TNS1: variants seen among roughly 807,000 people sequenced by gnomAD.
The protein encoded by TNS1 is tensin 1, also known as tensin-1.
A neutral mutation model predicts 168.6 loss-of-function variants in TNS1; 62 were observed. The observed-to-expected ratio is 0.37, with a 90% CI of 0.30 to 0.45. TNS1 has a LOEUF of 0.45. TNS1 is among the 20% of genes least tolerant of loss of function. The probability of loss-of-function intolerance (pLI) is 1.00; values close to 1 mark genes in which losing one functional copy is unlikely to be tolerated. For missense variants in TNS1, 2,240 were observed against 2,339.4 expected, an observed-to-expected ratio of 0.96 and a Z score of 0.88; for synonymous variants, 934 against 933.2, an observed-to-expected ratio of 1.00 and a Z score of -0.02.
At chr2:217,852,377 C>T (rs2125469644) in intron 18 of TNS1, among the ~76,000 whole-genome samples, 1 of 152,298 alleles carries the variant, frequency 6.6e-6, no homozygotes, top group Admixed American at 6.5e-5. Flanking sequence ...GCCAGAATTT[C>T]CCTCCTGGGC....
Position 217,847,986 on chromosome 2 carries a change from A to T in TNS1, c.2531T>A (p.Leu844Gln), listed in dbSNP as rs1419505029. Residue 844 changes from leucine to glutamine, a missense_variant, in exon 19 of 33, where the codon CTG (leucine) becomes CAG (glutamine). Coordinates refer to ENST00000682258, the MANE Select transcript of TNS1 (RefSeq NM_001387777.1). ...IETLNMLMLD[L>Q]EPASAAAPLH... Reference sequence around the variant, plus strand: ...TGGGGCAGCAGCGGAGGCTGGCTCCAGGTCCAGCATCAGCATATTGAGTGT... The same window carrying T: ...TGGGGCAGCAGCGGAGGCTGGCTCCTGGTCCAGCATCAGCATATTGAGTGT... 6.6e-7 allele frequency: 1 copy of T among 1,510,066 alleles called. No homozygotes were observed. Among genetic ancestry groups the T allele is most frequent in the Non-Finnish European group, 8.9e-7 (1 of 1,126,738 alleles). The allele number at this position is 1,510,066 out of a possible 1,614,324, so 93.5% of individuals were successfully genotyped here.
intron 18 of TNS1, among the ~76,000 whole-genome samples, chr2:217,879,664 C>T (rs1004189407): frequency 1.3e-5 from 2 of 152,190 alleles, no homozygotes; most frequent in African/African-American, 4.8e-5. Flanking sequence ...AAACCTTGTG[C>T]TCATTCTGGT....
chr2:217,967,424 C>G (rs1228712447), intron 3 of TNS1, among the ~76,000 whole-genome samples: 1 of 152,038 alleles, frequency 6.6e-6, no homozygotes, highest in Non-Finnish European at 1.5e-5. Flanking sequence ...ATTGGCAAAA[C>G]TTCAGCTAGA....
chr2:217,804,244 TCTC>T lies in TNS1; in HGVS notation c.*212_*214del. On this transcript the variant is annotated 3_prime_UTR_variant, in exon 33 of 33. Transcript: ENST00000682258. ...ATCTACCCAGGGGAATCCAAGTTCT[TCTC>T]CTCCATCTTTCTCTCTCTCTCTCTC... 1 of 574,342 alleles carries T rather than the reference TCTC, an allele frequency of 1.7e-6. No individual in the cohort carries two copies. Among genetic ancestry groups the T allele is most frequent in the Admixed American group, 3.4e-5 (1 of 29,528 alleles). The allele number at this position is 574,342 out of a possible 1,614,324, so 35.6% of individuals were successfully genotyped here.
At chr2:218,021,791 G>T (rs1414835579) in intron 1 of TNS1, among the ~76,000 whole-genome samples, 1 of 152,222 alleles carries the variant, frequency 6.6e-6, no homozygotes, top group Admixed American at 6.5e-5. Flanking sequence ...GCTAGACCCT[G>T]TCTCTGCCCC....
Position 217,818,525 on chromosome 2 carries a change from C to A in TNS1, c.3807G>T (p.Gln1269His). The change falls in exon 24 of 33, where the codon CAG becomes CAT. Residue 1269 changes from glutamine to histidine, a missense_variant. Gln to His is a conservative substitution (Grantham distance 24, BLOSUM62 0). Around this residue, in one of 2 missense-constraint regions of TNS1, gnomAD observed 2,131 missense variants for 2,171.2 expected, o/e 0.98. Transcript: ENST00000682258. ...CCGTGTGGACGCCAGCCACACTGAA[C>A]TGAGCTCGAGCCTGGCTTTCCGGAG... is the stretch of plus-strand genomic sequence containing the variant. ...SSSPESQARA[Q>H]FSVAGVHTVP... 1.2e-6 allele frequency: 2 copies of A among 1,614,260 alleles called. No individual in the cohort carries two copies. Among genetic ancestry groups the A allele is most frequent in the South Asian group, 2.2e-5 (2 of 91,086 alleles).
chr2:217,830,760 G>T (rs555605082), intron 22 of TNS1, among the ~76,000 whole-genome samples: 3 of 152,238 alleles, frequency 2.0e-5, no homozygotes, highest in Non-Finnish European at 4.4e-5. Context: ...GAGTAGGGAT[G>T]GGGGATGAGC....
At chr2:217,894,952 G>A (rs150807726) in intron 9 of TNS1, 54 bp downstream of exon 9, 11 of 1,539,154 alleles carry the variant, frequency 7.1e-6, no homozygotes, top group Middle Eastern at 1.7e-4. Flanking sequence ...CTCCAGAGAG[G>A]GAGTCCATCT....
chr2:217,879,422 G>A (rs781452799), intron 18 of TNS1: 28 of 454,220 alleles, frequency 6.2e-5, no homozygotes, highest in East Asian at 1.4e-4. Context: ...GCCGCTCAGC[G>A]CCCGGGGATG....
intron 3 of TNS1, among the ~76,000 whole-genome samples, chr2:217,960,949 C>T (rs1057102262): frequency 6.6e-6 from 1 of 152,112 alleles, no homozygotes; most frequent in South Asian, 2.1e-4. Context: ...AAAAGGAAAA[C>T]AACTGGCACC....
intron 32 of TNS1, among the ~76,000 whole-genome samples, chr2:217,805,024 A>T (rs985391172): frequency 1.3e-5 from 2 of 150,220 alleles, no homozygotes; most frequent in Non-Finnish European, 3.0e-5. Context: ...GTCTGCCTGC[A>T]AACGGCTCAG....
chr2:217,850,687 C>G, intron 18 of TNS1: 1 of 836,974 alleles, frequency 1.2e-6, no homozygotes, highest in Non-Finnish European at 1.4e-6. Flanking sequence ...AAAGCCAGCT[C>G]CCAAAGACTG....
chr2:217,849,983 A>C (rs1261532788), intron 18 of TNS1: 1 of 985,196 alleles, frequency 1.0e-6, no homozygotes, highest in African/African-American at 1.7e-5. Context: ...TCAGAGATAC[A>C]ATGTCATTCA....
chr2:217,946,969 T>TCTCACACACACA (rs1553618866), intron 3 of TNS1, among the ~76,000 whole-genome samples: 8 of 118,810 alleles, frequency 6.7e-5, no homozygotes, highest in Admixed American at 2.5e-4. Context: ...TCTCTCTCTC[T>TCTCACACACACA]CACACACACA....
At chr2:217,892,883 T>G (rs1574976593) in intron 11 of TNS1, 65 bp downstream of exon 11, 1 of 1,539,254 alleles carries the variant, frequency 6.5e-7, no homozygotes. Flanking sequence ...AGGCTGTGGG[T>G]GGATGAGAGG....
At chr2:218,005,809 C>G (rs1422713501), upstream of TNS1, among the ~76,000 whole-genome samples, 1 of 152,256 alleles carries the variant, frequency 6.6e-6, no homozygotes, top group African/African-American at 2.4e-5. Context: ...TTCAAAAGGG[C>G]CTCAGGCAGC....
At chr2:217,906,487 G>C (rs1027882441) in intron 5 of TNS1, 102 bp from the exon 6 acceptor site, 5 of 683,138 alleles carry the variant, frequency 7.3e-6, no homozygotes, top group Non-Finnish European at 1.3e-5. Context: ...GGTTGGCAGA[G>C]GGGCCTGGGA....
intron 3 of TNS1, among the ~76,000 whole-genome samples, chr2:217,973,367 GAAAAAAAAA>G (rs58463140): frequency 7.5e-5 from 7 of 93,584 alleles, no homozygotes; most frequent in East Asian, 3.1e-4. Flanking sequence ...TCCTGTCTCT[GAAAAAAAAA>G]AAAAAAAAAA....
intron 18 of TNS1, among the ~76,000 whole-genome samples, chr2:217,852,015 C>T (rs1004999335): frequency 3.9e-5 from 6 of 152,144 alleles, no homozygotes; most frequent in African/African-American, 1.4e-4. Flanking sequence ...CGTGGTAGCA[C>T]ATGCCTGTAA....
Sources: allele counts gnomAD v4.1 joint callset (sites outside exome capture counted in the v4.1 genomes callset), GRCh38; gene constraint gnomAD v4.1.1; regional missense constraint gnomAD v4.1.1; transcripts MANE v1.5; gene names NCBI Gene and HGNC (gene_info 2026-07-23, HGNC 2026-07-21).